UBE3D: variants seen among roughly 807,000 people sequenced by gnomAD.
UBE3D encodes ubiquitin protein ligase E3D, also known as E3 ubiquitin-protein ligase E3D.
Under a neutral mutation model 49.6 loss-of-function variants are expected in UBE3D, and 48 were observed. The ratio of observed to expected loss-of-function variants is 0.97; its 90% CI spans 0.77 to 1.23. The LOEUF (loss-of-function observed/expected upper bound fraction) is 1.23, where lower values mean the gene tolerates loss of function less well. Ranked by LOEUF, UBE3D falls within the 50% of genes most tolerant of loss-of-function variation. The pLI, the probability that UBE3D is intolerant of heterozygous loss-of-function variation, is 0.00. For missense variants in UBE3D, 452 were observed against 468.4 expected (o/e 0.96, Z 0.32); for synonymous variants, 189 against 174.2 (o/e 1.08, Z -0.67).
At chr6:82,887,244 A>G in the UBE3D span, among the ~76,000 whole-genome samples, 1 of 150,768 alleles carries the variant, frequency 6.6e-6, no homozygotes, top group Non-Finnish European at 1.5e-5. Context: ...ACTTAAACCC[A>G]GGAGGCAGAG....
intron 8 of UBE3D, among the ~76,000 whole-genome samples, chr6:82,990,351 C>T (rs990913068): frequency 1.1e-4 from 17 of 152,132 alleles, no homozygotes; most frequent in Non-Finnish European, 2.2e-4. Context: ...TATCTCAGCT[C>T]AATGCAACCT....
intron 8 of UBE3D, among the ~76,000 whole-genome samples, chr6:82,999,480 G>A (rs1024030235): frequency 3.3e-5 from 5 of 152,154 alleles, no homozygotes; most frequent in Non-Finnish European, 7.3e-5. Context: ...TGCCTCTTGG[G>A]TTCAAGTGGT....
At position 83,008,857 on chromosome 6, in the gene UBE3D, G is replaced by C. The variant is rs573388630; in HGVS notation, c.1010+10116C>G. 9.2e-5 allele frequency among the ~76,000 whole-genome samples: 14 copies of C among 152,204 alleles called. No individual in the cohort carries two copies. The East Asian group carries it at 2.3e-3, about 25-fold the overall frequency. Reference sequence around the variant, plus strand: ...GTTTACCTACTTCTCTTCCTACCTCGGGGGCAGAGAGTCAAACAACAGCAG... The same window carrying C: ...GTTTACCTACTTCTCTTCCTACCTCCGGGGCAGAGAGTCAAACAACAGCAG... On this transcript the variant is annotated intron_variant, in intron 8 of 9. Coordinates refer to ENST00000369747, the MANE Select transcript of UBE3D (RefSeq NM_198920.3).
rs1427027371 is a variant in UBE3D at position 83,044,564 on chromosome 6, A to C, written c.461T>G (p.Leu154Arg). The part of the protein sequence containing the change: ...CHPDPFANKS[L>R]HPQENDCFIG... Reference sequence around the variant, plus strand: ...AAAACAGTCATTCTCTTGCGGATGAAGTGATTTATTAGCAAAGGGGTCAGG... The same window carrying C: ...AAAACAGTCATTCTCTTGCGGATGACGTGATTTATTAGCAAAGGGGTCAGG... The change falls in exon 4 of 10, where the codon CTT becomes CGT. Residue 154 changes from leucine (L) to arginine (R), a missense_variant. By Grantham distance (102) the Leu-to-Arg change is moderately radical (BLOSUM62 -2). Transcript: ENST00000369747. The C allele has an allele frequency of 6.2e-7, 1 of 1,614,166 alleles. No homozygotes were observed. The highest frequency in any genetic ancestry group is 8.5e-7 in the Non-Finnish European group (1 of 1,180,010).
Position 83,000,889 on chromosome 6 carries a change from G to T in UBE3D, c.1010+18084C>A, listed in dbSNP as rs189651058. On this transcript the variant is annotated intron_variant, in intron 8 of 9. Coordinates refer to ENST00000369747, the MANE Select transcript of UBE3D (RefSeq NM_198920.3). The stretch of plus-strand genomic sequence containing the variant: ...GACGGAGTCTCGCTCTTGTTGCCCA[G>T]ACTGAAGTGCAATGGGGCGCTCTCG... Among the ~76,000 whole-genome samples the T allele has an allele frequency of 3.3e-5, 5 of 149,728 alleles. No homozygotes were observed. The East Asian group carries it at 9.8e-4, about 29-fold the overall frequency.
At chr6:82,978,457 C>T (rs1777882316) in intron 8 of UBE3D, among the ~76,000 whole-genome samples, 1 of 152,070 alleles carries the variant, frequency 6.6e-6, no homozygotes, top group Non-Finnish European at 1.5e-5. Context: ...CAGGGCTAAA[C>T]ATAGAAAAGT....
rs151204171 is a variant in UBE3D, at chr6:83,054,210, C to A, written c.303G>T (p.Ser101=). 2.5e-6 allele frequency: 4 copies of A among 1,613,754 alleles called. No homozygotes were observed. The highest frequency in any genetic ancestry group is 2.2e-5 in the South Asian group (2 of 91,072). Reference sequence around the variant, plus strand: ...AAAACGTGCAACATTCTTGGGTTTGCGAGCTTTGATTAAACATTGAAATCA... The same window carrying A: ...AAAACGTGCAACATTCTTGGGTTTGAGAGCTTTGATTAAACATTGAAATCA... ...TKLISMFNQS[S]QTQECCTFYC... Residue 101 remains serine, a synonymous_variant, in exon 3 of 10, where the codon TCG becomes TCT. Coordinates refer to ENST00000369747, the MANE Select transcript of UBE3D (RefSeq NM_198920.3).
chr6:82,966,462 A>G lies in UBE3D; in HGVS notation c.1011-9012T>C, dbSNP rs1023423998. Among the ~76,000 whole-genome samples, 11 of 81,292 alleles carry G rather than the reference A, an allele frequency of 1.4e-4. 4 individuals carry two copies. Among genetic ancestry groups the G allele is most frequent in the Admixed American group, 1.1e-3 (10 of 9,126 alleles). 53.3% of individuals were successfully genotyped at this position (81,292 alleles called of 152,430 possible). A position where few individuals can be genotyped will look rare whatever the true frequency, so the allele number is the denominator to read the frequency against. ...TCAGGAGATCGAGACCATCCCGGCT[A>G]AAACGGTGAAACCCCGTCTCTACTA... On this transcript the variant is annotated intron_variant, in intron 8 of 9. Transcript: ENST00000369747.
At chr6:83,035,168 G>C (rs1379625007) in intron 5 of UBE3D, among the ~76,000 whole-genome samples, 2 of 138,786 alleles carry the variant, frequency 1.4e-5, no homozygotes, top group Non-Finnish European at 3.1e-5. Context: ...GCAACAGAGT[G>C]AGACTATGTC....
chr6:82,999,006 T>G (rs1779432571), intron 8 of UBE3D, among the ~76,000 whole-genome samples: 1 of 152,194 alleles, frequency 6.6e-6, no homozygotes, highest in African/African-American at 2.4e-5. Context: ...TCCACACATT[T>G]CTGGTCATCT....
At chr6:82,887,400 T>TG (rs1770906502), downstream of UBE3D, among the ~76,000 whole-genome samples, 19 of 76,314 alleles carry the variant, frequency 2.5e-4, no homozygotes, top group African/African-American at 1.7e-3. Flanking sequence ...TTTTTTTTTT[T>TG]TTTTTTTTTT....
chr6:82,961,016 C>T (rs1420283207), intron 8 of UBE3D, among the ~76,000 whole-genome samples: 2 of 151,996 alleles, frequency 1.3e-5, no homozygotes, highest in Non-Finnish European at 2.9e-5. Flanking sequence ...TGTGAATGTT[C>T]CTTGGGAACT....
At chr6:83,057,800 G>A (rs1310682702) in intron 2 of UBE3D, 26 bp downstream of exon 2, 4 of 1,608,402 alleles carry the variant, frequency 2.5e-6, no homozygotes, top group Non-Finnish European at 3.4e-6. Flanking sequence ...GGTAAATACA[G>A]CAGCAGAAGT....
intron 3 of UBE3D, among the ~76,000 whole-genome samples, chr6:83,046,681 T>TGGGC (rs752797638): frequency 2.0e-5 from 1 of 50,104 alleles, no homozygotes; most frequent in Non-Finnish European, 3.9e-5. Context: ...GCGGGGGGGG[T>TGGGC]GGGCGGTGGC....
At chr6:82,958,886 G>A (rs953879212) in intron 8 of UBE3D, among the ~76,000 whole-genome samples, 4 of 152,238 alleles carry the variant, frequency 2.6e-5, no homozygotes, top group Non-Finnish European at 4.4e-5. Context: ...TTTTGGCACA[G>A]AGTGCCAAAA....
intron 8 of UBE3D, among the ~76,000 whole-genome samples, chr6:82,977,369 C>T (rs1777804210): frequency 6.6e-6 from 1 of 151,976 alleles, no homozygotes; most frequent in African/African-American, 2.4e-5. Flanking sequence ...ACTGTATATC[C>T]ATCTCTCTAC....
chr6:83,001,465 T>C (rs1462578536), intron 8 of UBE3D, among the ~76,000 whole-genome samples: 2 of 152,244 alleles, frequency 1.3e-5, no homozygotes, highest in Non-Finnish European at 2.9e-5. Flanking sequence ...TTCTTTTGTC[T>C]AGTTTCATTG....
At chr6:83,021,880 A>G (rs1781122137) in intron 7 of UBE3D, among the ~76,000 whole-genome samples, 2 of 151,974 alleles carry the variant, frequency 1.3e-5, no homozygotes, top group South Asian at 4.2e-4. Context: ...AAAAAAAAAC[A>G]AAAAACAAAA....
Position 82,924,658 on chromosome 6 carries a change from T to G in UBE3D, c.1150-31616A>C, listed in dbSNP as rs541633226. On this transcript the variant is annotated intron_variant, in intron 9 of 9. Coordinates refer to ENST00000369747, the MANE Select transcript of UBE3D (RefSeq NM_198920.3). ...AAAATCACTGAATCTTTGCACAAAT[T>G]GAAAAATAAAGGCATACATCTCATT... is the stretch of plus-strand genomic sequence containing the variant. Among the ~76,000 whole-genome samples, 9 of 152,274 alleles carry G rather than the reference T, an allele frequency of 5.9e-5. No homozygotes were observed. The South Asian group carries it at 1.9e-3, about 32-fold the overall frequency.
Sources: allele counts gnomAD v4.1 joint callset (sites outside exome capture counted in the v4.1 genomes callset), GRCh38; gene constraint gnomAD v4.1.1; transcripts MANE v1.5; gene names NCBI Gene and HGNC (gene_info 2026-07-23, HGNC 2026-07-21).